ZMYND11: variants seen among roughly 807,000 people sequenced by gnomAD.
ZMYND11 encodes the protein zinc finger MYND-type containing 11.
In ZMYND11, 9 loss-of-function variants were observed where a neutral mutation model predicts 84.9. The observed-to-expected ratio is 0.11, with a 90% CI of 0.06 to 0.18. ZMYND11 has a LOEUF of 0.18. Ranked by LOEUF, ZMYND11 falls within the 10% of genes least tolerant of loss-of-function variation. ZMYND11 has a pLI of 1.00. For missense variants in ZMYND11, 409 were observed against 761.0 expected (o/e 0.54, Z 5.44); for synonymous variants, 250 against 244.1 (o/e 1.02, Z -0.23).
intron 1 of ZMYND11, 106 bp from the exon 2 acceptor site, chr10:179,888 C>T: frequency 1.7e-6 from 1 of 588,236 alleles, no homozygotes; most frequent in Non-Finnish European, 2.9e-6. Context: ...ATACTACATA[C>T]TAAGTATAAT....
chr10:241,575 AAAT>A (rs1564448964), intron 9 of ZMYND11, among the ~76,000 whole-genome samples: 1 of 152,202 alleles, frequency 6.6e-6, no homozygotes, highest in African/African-American at 2.4e-5. Flanking sequence ...AATTTCCCCA[AAAT>A]AATACAGCTT....
chr10:221,142 C>T (rs1947080260), intron 3 of ZMYND11, 53 bp from the exon 4 acceptor site: 3 of 1,516,054 alleles, frequency 2.0e-6, no homozygotes, highest in South Asian at 1.2e-5. Flanking sequence ...TGTTCTTAGT[C>T]ATTGCAGATA....
Position 163,592 on chromosome 10 carries a change from A to G in ZMYND11, c.-19-16402A>G, listed in dbSNP as rs782175042. On this transcript the variant is annotated intron_variant, in intron 1 of 14. Coordinates refer to ENST00000381604, the MANE Select transcript of ZMYND11 (RefSeq NM_001370100.5). ...ATTTATGGTTTATAGATAAAATTCTATTTCTAACTCTTTCATATTAATTAC... is the reference window on the plus strand; with the variant it reads ...ATTTATGGTTTATAGATAAAATTCTGTTTCTAACTCTTTCATATTAATTAC... Among the ~76,000 whole-genome samples, 5 of 152,020 alleles carry G rather than the reference A, an allele frequency of 3.3e-5. No homozygotes were observed. In the South Asian group the frequency reaches 8.3e-4, roughly 25 times the overall value.
chr10:246,640 C>T, intron 10 of ZMYND11, 126 bp from the exon 11 acceptor site: 1 of 852,808 alleles, frequency 1.2e-6, no homozygotes, highest in Non-Finnish European at 1.8e-6. Context: ...GCTTTTGCAC[C>T]AAGCTAACAG....
At chr10:179,125 G>T (rs895210551) in intron 1 of ZMYND11, among the ~76,000 whole-genome samples, 6 of 152,082 alleles carry the variant, frequency 3.9e-5, no homozygotes, top group Non-Finnish European at 8.8e-5. Flanking sequence ...GTTTCAGTGC[G>T]TCCCCAATGC....
intron 6 of ZMYND11, among the ~76,000 whole-genome samples, chr10:238,297 G>A (rs548835174): frequency 1.3e-5 from 2 of 151,970 alleles, no homozygotes; most frequent in Non-Finnish European, 2.9e-5. Context: ...AAATCTTAAC[G>A]CTTGGTCATT....
rs1485020906 is a variant in ZMYND11, at chr10:254,402, TA to T, written c.*1936del. The T allele has an allele frequency of 1.3e-5, 2 of 152,656 alleles. No homozygotes were observed. Among genetic ancestry groups the T allele is most frequent in the Admixed American group, 1.3e-4 (2 of 15,288 alleles). 9.5% of individuals were successfully genotyped at this position (152,656 alleles called of 1,614,324 possible). On this transcript the variant is annotated 3_prime_UTR_variant, in exon 15 of 15. Transcript: ENST00000381604. ...AAAAAGAGATTGTGGCCTGGTTTTG[TA>T]AAAGTTTTAGGTAAAATTACAATTG...
intron 1 of ZMYND11, among the ~76,000 whole-genome samples, chr10:149,281 G>GGTTGTT (rs1333070125): frequency 8.1e-5 from 9 of 111,184 alleles, no homozygotes; most frequent in Non-Finnish European, 1.9e-5. Flanking sequence ...ACACTGAGGT[G>GGTTGTT]GTTGTTATTA....
intron 14 of ZMYND11, chr10:249,369 A>C: frequency 8.7e-7 from 1 of 1,150,974 alleles, no homozygotes; most frequent in South Asian, 3.0e-5. Flanking sequence ...TTCTCCATCT[A>C]TGCATATATT....
chr10:175,646 G>C (rs1187588316), intron 1 of ZMYND11, among the ~76,000 whole-genome samples: 1 of 152,112 alleles, frequency 6.6e-6, no homozygotes, highest in Non-Finnish European at 1.5e-5. Flanking sequence ...AAGGACTTCT[G>C]ATCACAAAAG....
At chr10:148,366 T>C (rs560733895) in intron 1 of ZMYND11, 22 of 150,478 alleles carry the variant, frequency 1.5e-4, no homozygotes, top group African/African-American at 5.4e-4. Context: ...TAACTTCCTT[T>C]GCTCTGGGAA....
intron 4 of ZMYND11, among the ~76,000 whole-genome samples, chr10:226,471 G>A (rs1948150560): frequency 6.6e-6 from 1 of 152,114 alleles, no homozygotes; most frequent in African/African-American, 2.4e-5. Context: ...TCTTTAATAT[G>A]TGCATGTTTC....
At chr10:178,557 T>C (rs117956295) in intron 1 of ZMYND11, among the ~76,000 whole-genome samples, 2,034 of 152,342 alleles carry the variant, frequency 0.013, 42 homozygotes, top group South Asian at 0.022. Context: ...AAGTGATTAC[T>C]GTCTAAAATG....
At chr10:245,551 C>T (rs980702874) in intron 10 of ZMYND11, among the ~76,000 whole-genome samples, 5 of 152,128 alleles carry the variant, frequency 3.3e-5, no homozygotes, top group East Asian at 1.9e-4. Flanking sequence ...AGTACCATAT[C>T]GCAACTTGTA....
Position 248,911 on chromosome 10 carries a change from T to C in ZMYND11, c.1509T>C (p.Ser503=), listed in dbSNP as rs1287201322. 4 of 1,610,764 alleles carry C rather than the reference T, an allele frequency of 2.5e-6. No homozygotes were observed. In the African/African-American group the frequency reaches 5.3e-5, roughly 22 times the overall value. Reference sequence around the variant, plus strand: ...TTGTCTTTTCATTCCAGCTGCGTTCTGAAATGGAAGAAGAAAAGAGACAAG... The same window carrying C: ...TTGTCTTTTCATTCCAGCTGCGTTCCGAAATGGAAGAAGAAAAGAGACAAG... ...VVREALEKLR[S]EMEEEKRQAV... is the part of the protein sequence containing the mutation. Residue 503 remains serine (S), a synonymous_variant, in exon 14 of 15, where the codon TCT becomes TCC. Coordinates refer to ENST00000381604, the MANE Select transcript of ZMYND11 (RefSeq NM_001370100.5).
At chr10:133,299 A>C (rs1835369557), upstream of ZMYND11, among the ~76,000 whole-genome samples, 1 of 152,074 alleles carries the variant, frequency 6.6e-6, no homozygotes, top group East Asian at 1.9e-4. Flanking sequence ...TAATAGTTTT[A>C]TTTCTTCTAT....
intron 3 of ZMYND11, among the ~76,000 whole-genome samples, chr10:220,303 A>C (rs1467389878): frequency 1.3e-5 from 2 of 152,176 alleles, no homozygotes; most frequent in African/African-American, 4.8e-5. Context: ...TACATCTACA[A>C]ATAAAGTTGA....
intron 1 of ZMYND11, among the ~76,000 whole-genome samples, chr10:147,205 T>A (rs1554755609): frequency 6.6e-6 from 1 of 152,220 alleles, no homozygotes; most frequent in African/African-American, 2.4e-5. Context: ...AACAGATAGT[T>A]TGACTTTCTC....
chr10:182,131 A>T (rs1848015394), intron 2 of ZMYND11, among the ~76,000 whole-genome samples: 2 of 152,200 alleles, frequency 1.3e-5, no homozygotes, highest in South Asian at 4.1e-4. Flanking sequence ...ACATTTCTCT[A>T]AGCAGCTATC....
Sources: gnomAD v4.1 joint callset for allele counts (sites outside exome capture counted in the v4.1 genomes callset) on GRCh38, gnomAD v4.1.1 for gene constraint, MANE v1.5 for transcripts, NCBI Gene and HGNC (gene_info 2026-07-23, HGNC 2026-07-21) for gene names.